Variants in FAM151B observed in about 807,000 individuals in gnomAD.
The protein encoded by FAM151B is protein FAM151B.
In FAM151B, 24 loss-of-function variants were observed where a neutral mutation model predicts 31.2. The ratio of observed to expected loss-of-function variants is 0.77; its 90% CI spans 0.56 to 1.08. The LOEUF (loss-of-function observed/expected upper bound fraction) is 1.08. FAM151B is among the 50% of genes least tolerant of loss of function. The pLI, the probability that FAM151B is intolerant of heterozygous loss-of-function variation, is 0.00. For synonymous variants in FAM151B, 105 were observed against 111.4 expected (o/e 0.94, Z 0.36); for missense variants, 293 against 328.6 (o/e 0.89, Z 0.84).
At chr5:80,529,131 G>A (rs867590027) in intron 5 of FAM151B, among the ~76,000 whole-genome samples, 27 of 152,034 alleles carry the variant, frequency 1.8e-4, no homozygotes, top group Non-Finnish European at 3.4e-4. Flanking sequence ...CTGCTCCTGA[G>A]TGACTACTGG....
At chr5:80,511,854 G>T (rs1228237780) in intron 2 of FAM151B, among the ~76,000 whole-genome samples, 2 of 152,134 alleles carry the variant, frequency 1.3e-5, no homozygotes, top group African/African-American at 2.4e-5. Flanking sequence ...TGATCTGCCT[G>T]CCTCAGCCTC....
Position 80,541,973 on chromosome 5 carries a change from C to G in FAM151B, c.*141C>G. 2.3e-6 allele frequency: 2 copies of G among 858,522 alleles called. No individual in the cohort carries two copies. The highest frequency in any genetic ancestry group is 3.5e-6 in the Non-Finnish European group (2 of 565,942). 53.2% of individuals were successfully genotyped at this position (858,522 alleles called of 1,614,324 possible). On this transcript the variant is annotated 3_prime_UTR_variant, in exon 6 of 6. Transcript: ENST00000282226. ...AAGAAACGTTTATTGTATGCTTACT[C>G]TGTGGGCATATGTCCTTATAATAGT...
chr5:80,501,006 T>TTTTTATTTTA (rs574166917), intron 1 of FAM151B: 2 of 580,236 alleles, frequency 3.4e-6, no homozygotes, highest in Non-Finnish European at 6.1e-6. Context: ...AGACCATCCA[T>TTTTTATTTTA]TTTTATTTTA....
intron 3 of FAM151B, among the ~76,000 whole-genome samples, chr5:80,515,042 C>G (rs1182410085): frequency 6.6e-6 from 1 of 152,000 alleles, no homozygotes; most frequent in Admixed American, 6.5e-5. Flanking sequence ...GAGTTTGAGA[C>G]CAGCCTGGCC....
intron 2 of FAM151B, among the ~76,000 whole-genome samples, chr5:80,504,111 C>T (rs115550989): frequency 0.01 from 1,596 of 152,228 alleles, 28 homozygotes; most frequent in African/African-American, 0.035. Flanking sequence ...CTCAAATTTA[C>T]GTTATCCGAA....
intron 2 of FAM151B, among the ~76,000 whole-genome samples, chr5:80,502,883 C>T (rs1005092420): frequency 2.0e-5 from 3 of 152,100 alleles, no homozygotes; most frequent in Non-Finnish European, 4.4e-5. Flanking sequence ...TGAAACAGTG[C>T]GTAGCATATA....
intron 3 of FAM151B, among the ~76,000 whole-genome samples, chr5:80,517,287 G>GA (rs957863433): frequency 2.0e-5 from 3 of 151,826 alleles, no homozygotes; most frequent in Admixed American, 6.6e-5. Context: ...TATGTGTAGG[G>GA]AAAAAAAACA....
chr5:80,515,456 T>C (rs945457737), intron 3 of FAM151B, among the ~76,000 whole-genome samples: 3 of 152,120 alleles, frequency 2.0e-5, no homozygotes, highest in African/African-American at 7.2e-5. Context: ...AAGCATTTGA[T>C]CTTTAGTGCT....
chr5:80,511,492 C>T (rs1054123124), intron 2 of FAM151B, among the ~76,000 whole-genome samples: 1 of 149,328 alleles, frequency 6.7e-6, no homozygotes, highest in Admixed American at 6.7e-5. Context: ...TATTGCAGTG[C>T]AGGTTGGCCA....
chr5:80,500,371 G>T, intron 1 of FAM151B: 2 of 1,209,452 alleles, frequency 1.7e-6, no homozygotes, highest in Non-Finnish European at 2.4e-6. Flanking sequence ...TTCCTGCTGT[G>T]CCAGAAACCC....
intron 5 of FAM151B, among the ~76,000 whole-genome samples, chr5:80,534,359 A>C (rs1745397574): frequency 6.6e-6 from 1 of 152,192 alleles, no homozygotes; most frequent in Non-Finnish European, 1.5e-5. Context: ...AATCCTTGGC[A>C]AAATACTAGC....
chr5:80,528,903 G>A (rs1389419998), intron 5 of FAM151B, among the ~76,000 whole-genome samples: 4 of 152,120 alleles, frequency 2.6e-5, no homozygotes, highest in African/African-American at 7.2e-5. Flanking sequence ...GACATCTACA[G>A]AACTCTCCAC....
chr5:80,490,656 A>G (rs1224778400), intron 1 of FAM151B, among the ~76,000 whole-genome samples: 1 of 152,230 alleles, frequency 6.6e-6, no homozygotes, highest in Non-Finnish European at 1.5e-5. Flanking sequence ...TATAAATGGA[A>G]TCATCCAATA....
chr5:80,514,854 C>A (rs1268733784), intron 3 of FAM151B, among the ~76,000 whole-genome samples: 1 of 152,072 alleles, frequency 6.6e-6, no homozygotes, highest in Non-Finnish European at 1.5e-5. Context: ...CCTTATTATA[C>A]CGTTAGTGAA....
rs1745252722 is a variant in FAM151B, at chr5:80,531,704, T to A, written c.671+9566T>A. 2.0e-5 allele frequency among the ~76,000 whole-genome samples: 3 copies of A among 152,254 alleles called. 1 individual carries two copies. Among genetic ancestry groups the A allele is most frequent in the Non-Finnish European group, 1.5e-5 (1 of 68,022 alleles). On this transcript the variant is annotated intron_variant, in intron 5 of 5. Coordinates refer to ENST00000282226, the MANE Select transcript of FAM151B (RefSeq NM_205548.3). Reference sequence around the variant, plus strand: ...ACAATGAGAAACCGTCTCACATCAGTTAGAATGGCAATCATTAGAAAGTCA... The same window carrying A: ...ACAATGAGAAACCGTCTCACATCAGATAGAATGGCAATCATTAGAAAGTCA...
intron 5 of FAM151B, among the ~76,000 whole-genome samples, chr5:80,540,693 A>G (rs180903430): frequency 6.6e-6 from 1 of 152,324 alleles, no homozygotes; most frequent in East Asian, 1.9e-4. Context: ...TTAGCAAAAA[A>G]TATAGGTTTC....
At chr5:80,519,998 A>G in intron 4 of FAM151B, 88 bp downstream of exon 4, 1 of 1,251,156 alleles carries the variant, frequency 8.0e-7, no homozygotes, top group South Asian at 1.5e-5. Context: ...ACCAAAACCC[A>G]TTCTACAAAA....
intron 4 of FAM151B, among the ~76,000 whole-genome samples, chr5:80,520,268 T>G (rs982374283): frequency 6.6e-6 from 1 of 152,208 alleles, no homozygotes; most frequent in African/African-American, 2.4e-5. Context: ...CATATTCACT[T>G]AAGATTTCTG....
chr5:80,503,262 G>C (rs1403159616), intron 2 of FAM151B, among the ~76,000 whole-genome samples: 2 of 152,114 alleles, frequency 1.3e-5, no homozygotes, highest in Admixed American at 6.6e-5. Context: ...ATAATAAATA[G>C]GTGAACTTAG....
Sources: gnomAD v4.1 joint callset for allele counts (sites outside exome capture counted in the v4.1 genomes callset) on GRCh38, gnomAD v4.1.1 for gene constraint, MANE v1.5 for transcripts, NCBI Gene and HGNC (gene_info 2026-07-23, HGNC 2026-07-21) for gene names.